The following PAAF1 variants were observed in gnomAD, a reference collection of about 807,000 sequenced individuals.
The protein encoded by PAAF1 is proteasomal ATPase associated factor 1, also known as proteasomal ATPase-associated factor 1.
Under a neutral mutation model 52.8 loss-of-function variants are expected in PAAF1, and 46 were observed. The observed-to-expected ratio is 0.87, with a 90% CI of 0.69 to 1.11. The LOEUF (loss-of-function observed/expected upper bound fraction) is 1.11, where lower values mean the gene tolerates loss of function less well. Among genes scored for constraint, PAAF1 ranks in the 50% most tolerant of loss-of-function variants. The pLI, the probability that PAAF1 is intolerant of heterozygous loss-of-function variation, is 0.00. For synonymous variants in PAAF1, 178 were observed against 172.8 expected, an observed-to-expected ratio of 1.03 and a Z score of -0.24; for missense variants, 424 against 477.4, an observed-to-expected ratio of 0.89 and a Z score of 1.04.
At chr11:73,888,755 G>C (rs7119602) in intron 3 of PAAF1, 28,497 of 259,282 alleles carry the variant, frequency 0.11, 2,213 homozygotes, top group African/African-American at 0.24. Context: ...ATAGGTATCA[G>C]AAGATCTAAG....
intron 3 of PAAF1, 148 bp from the exon 4 acceptor site, chr11:73,890,964 A>G (rs1029276394): frequency 1.2e-5 from 7 of 574,276 alleles, no homozygotes; most frequent in Non-Finnish European, 6.3e-6. Context: ...GGGGAGGGAT[A>G]GTTTTGTGGG....
intron 10 of PAAF1, chr11:73,922,202 G>A (rs1442468517): frequency 1.2e-5 from 10 of 824,282 alleles, no homozygotes; most frequent in East Asian, 3.5e-5. Flanking sequence ...TCTTGGTGGC[G>A]CCCGGGTTTC....
chr11:73,893,624 C>T (rs936605178), intron 4 of PAAF1, among the ~76,000 whole-genome samples: 2 of 150,218 alleles, frequency 1.3e-5, no homozygotes, highest in Non-Finnish European at 2.9e-5. Context: ...ATAATCCCAG[C>T]TACTCGGGAG....
chr11:73,886,519 C>G (rs1030335104), intron 2 of PAAF1, among the ~76,000 whole-genome samples: 20 of 151,544 alleles, frequency 1.3e-4, no homozygotes, highest in Admixed American at 1.2e-3. Context: ...ACTAAAAATA[C>G]AAAAAATTAG....
intron 7 of PAAF1, 62 bp from the exon 8 acceptor site, chr11:73,914,351 C>A: frequency 7.4e-7 from 1 of 1,357,728 alleles, no homozygotes; most frequent in Non-Finnish European, 1.1e-6. Context: ...AGTATTGGTG[C>A]TGTGTGGGCA....
chr11:73,905,567 G>A (rs1035789212), intron 6 of PAAF1, among the ~76,000 whole-genome samples: 14 of 151,910 alleles, frequency 9.2e-5, no homozygotes, highest in Middle Eastern at 6.8e-3. Flanking sequence ...TTCTTCATAG[G>A]TTCCCACTTC....
chr11:73,912,283 T>A (rs1291679105), intron 7 of PAAF1, among the ~76,000 whole-genome samples: 1 of 152,182 alleles, frequency 6.6e-6, no homozygotes, highest in Non-Finnish European at 1.5e-5. Context: ...CAGACTCTAT[T>A]TCGATGTCTA....
chr11:73,903,990 A>G (rs1949693392), intron 6 of PAAF1, among the ~76,000 whole-genome samples: 1 of 151,822 alleles, frequency 6.6e-6, no homozygotes, highest in Non-Finnish European at 1.5e-5. Flanking sequence ...AAGCTGAGGC[A>G]GGAGAATCAC....
intron 2 of PAAF1, among the ~76,000 whole-genome samples, chr11:73,883,796 C>T (rs1052178262): frequency 6.6e-6 from 1 of 152,194 alleles, no homozygotes; most frequent in Non-Finnish European, 1.5e-5. Context: ...GCTGGGATTA[C>T]AGGCAACTTA....
intron 4 of PAAF1, among the ~76,000 whole-genome samples, chr11:73,896,793 G>A (rs894946139): frequency 3.9e-5 from 6 of 152,120 alleles, no homozygotes; most frequent in Non-Finnish European, 5.9e-5. Context: ...CTCATGGCCC[G>A]TTCTCAATGA....
At chr11:73,891,032 A>C in intron 3 of PAAF1, 80 bp from the exon 4 acceptor site, 1 of 835,778 alleles carries the variant, frequency 1.2e-6, no homozygotes, top group Non-Finnish European at 2.0e-6. Context: ...CTGTAGTCCT[A>C]ATGTTTTCTT....
intron 10 of PAAF1, chr11:73,921,723 G>A: frequency 9.5e-7 from 1 of 1,053,104 alleles, no homozygotes; most frequent in Non-Finnish European, 1.5e-6. Flanking sequence ...ACCACTTGCA[G>A]CGTTTATCAT....
chr11:73,908,317 GTGTATATA>G (rs1949822182), intron 6 of PAAF1, among the ~76,000 whole-genome samples: 1 of 145,004 alleles, frequency 6.9e-6, no homozygotes, highest in African/African-American at 2.5e-5. Context: ...GTATATATAT[GTGTATATA>G]TGTATATATA....
chr11:73,896,284 TTTC>T (rs1591067141), intron 4 of PAAF1, among the ~76,000 whole-genome samples: 1 of 138,484 alleles, frequency 7.2e-6, no homozygotes, highest in African/African-American at 2.9e-5. Flanking sequence ...TGTTTCTTTT[TTTC>T]TTTTTTTCTT....
intron 4 of PAAF1, among the ~76,000 whole-genome samples, chr11:73,896,970 G>C (rs1345534811): frequency 7.3e-6 from 1 of 137,606 alleles, no homozygotes; most frequent in East Asian, 2.2e-4. Context: ...GGCTGGCCGG[G>C]CGGGGGGGCT....
At chr11:73,891,837 C>T (rs1337328415) in intron 4 of PAAF1, among the ~76,000 whole-genome samples, 1 of 152,098 alleles carries the variant, frequency 6.6e-6, no homozygotes, top group Admixed American at 6.6e-5. Context: ...TATTTTATTC[C>T]TTTTCCTATA....
chr11:73,927,520 C>G lies in PAAF1; in HGVS notation c.*158C>G. 1 of 643,078 alleles carries G rather than the reference C, an allele frequency of 1.6e-6. No individual in the cohort carries two copies. 39.8% of individuals were successfully genotyped at this position (643,078 alleles called of 1,614,324 possible). ...AGCTGTACTGGCCGTGTGGAACTCT[C>G]ATCCCAAGACCTACTTTGAACTGAG... On this transcript the variant is annotated 3_prime_UTR_variant, in exon 12 of 12. Coordinates refer to ENST00000310571, the MANE Select transcript of PAAF1 (RefSeq NM_025155.3).
chr11:73,891,269 T>A, intron 4 of PAAF1, 68 bp downstream of exon 4: 1 of 878,322 alleles, frequency 1.1e-6, no homozygotes, highest in Non-Finnish European at 1.8e-6. Context: ...TTTGCTTGTC[T>A]AGTGCTATAA....
chr11:73,891,538 G>C (rs1370506954), intron 4 of PAAF1, among the ~76,000 whole-genome samples: 1 of 152,166 alleles, frequency 6.6e-6, no homozygotes, highest in Non-Finnish European at 1.5e-5. Context: ...CACTTTGGGA[G>C]GCAGAGGCAG....
Sources: gnomAD v4.1 joint callset for allele counts (sites outside exome capture counted in the v4.1 genomes callset) on GRCh38, gnomAD v4.1.1 for gene constraint, MANE v1.5 for transcripts, NCBI Gene and HGNC (gene_info 2026-07-23, HGNC 2026-07-21) for gene names.